Variants in ZNF564 observed in about 807,000 individuals in gnomAD.
ZNF564 encodes zinc finger protein 564.
In ZNF564, 5 loss-of-function variants were observed where a neutral mutation model predicts 10.5. That is an observed-to-expected ratio of 0.48 (90% CI 0.25 to 1.00). The LOEUF is 1.00. Among genes scored for constraint, ZNF564 ranks in the 50% least tolerant of loss-of-function variants. ZNF564 has a pLI of 0.16. For missense variants in ZNF564, 603 were observed against 669.7 expected (o/e 0.90, Z 1.10); for synonymous variants, 242 against 218.1 (o/e 1.11, Z -0.97).
chr19:12,532,531 T>C (rs953397059), intron 1 of ZNF564, among the ~76,000 whole-genome samples: 2 of 77,872 alleles, frequency 2.6e-5, no homozygotes, highest in Non-Finnish European at 4.1e-5. Flanking sequence ...CGAGACTCCG[T>C]CTCAAAAAAA....
At chr19:12,533,725 TC>T (rs567810840) in intron 1 of ZNF564, among the ~76,000 whole-genome samples, 67 of 9,186 alleles carry the variant, frequency 7.3e-3, no homozygotes, top group African/African-American at 0.029. Flanking sequence ...GGCTGCTGTC[TC>T]CAAAAAAAAA....
At position 12,526,379 on chromosome 19, in the gene ZNF564, C is replaced by T; in HGVS notation, c.*67G>A. On this transcript the variant is annotated 3_prime_UTR_variant, in exon 4 of 4. Transcript: ENST00000339282. Reference sequence around the variant, plus strand: ...GGTGAGCTCCCAAACAAGTCTGAAACCCAGAAAGCAAACTGAAGACTTTCC... The same window carrying T: ...GGTGAGCTCCCAAACAAGTCTGAAATCCAGAAAGCAAACTGAAGACTTTCC... 2.0e-6 allele frequency: 3 copies of T among 1,488,418 alleles called. No individual in the cohort carries two copies. The highest frequency in any genetic ancestry group is 2.7e-6 in the Non-Finnish European group (3 of 1,115,044). 92.2% of individuals were successfully genotyped at this position (1,488,418 alleles called of 1,614,324 possible). A position where few individuals can be genotyped will look rare whatever the true frequency, so the allele number is the denominator to read the frequency against.
intron 1 of ZNF564, among the ~76,000 whole-genome samples, chr19:12,534,193 A>G (rs1241929538): frequency 6.6e-6 from 1 of 152,198 alleles, no homozygotes. Flanking sequence ...CAACATCCTT[A>G]AAGTCCTAGA....
chr19:12,536,270 A>G (rs2021911212), intron 1 of ZNF564, among the ~76,000 whole-genome samples: 1 of 152,138 alleles, frequency 6.6e-6, no homozygotes, highest in South Asian at 2.1e-4. Flanking sequence ...TCAACCTCCA[A>G]GGCTAAAGTG....
chr19:12,536,258 C>T (rs1379339336), intron 1 of ZNF564, among the ~76,000 whole-genome samples: 2 of 152,042 alleles, frequency 1.3e-5, no homozygotes, highest in Non-Finnish European at 2.9e-5. Flanking sequence ...CTCACTGCAG[C>T]CTCAACCTCC....
intron 1 of ZNF564, among the ~76,000 whole-genome samples, chr19:12,538,377 G>T (rs1474467910): frequency 6.6e-6 from 1 of 151,762 alleles, no homozygotes; most frequent in South Asian, 2.1e-4. Context: ...TGTAATCCCA[G>T]CACTTTGGGA....
intron 1 of ZNF564, among the ~76,000 whole-genome samples, chr19:12,546,787 T>C (rs182891895): frequency 6.4e-4 from 98 of 152,256 alleles, no homozygotes; most frequent in Non-Finnish European, 1.1e-3. Flanking sequence ...TCATAAACAA[T>C]TGGCTGGACA....
intron 1 of ZNF564, among the ~76,000 whole-genome samples, chr19:12,539,870 A>C (rs183175566): frequency 2.0e-4 from 30 of 150,328 alleles, no homozygotes; most frequent in African/African-American, 7.4e-4. Context: ...AGTCCCAGCT[A>C]CTCGGGAGGC....
At chr19:12,536,601 A>T (rs1015454012) in intron 1 of ZNF564, among the ~76,000 whole-genome samples, 1 of 152,198 alleles carries the variant, frequency 6.6e-6, no homozygotes, top group African/African-American at 2.4e-5. Flanking sequence ...TTAGGAGCCC[A>T]GCACTGTATA....
chr19:12,546,938 A>T (rs1392354544), intron 1 of ZNF564, among the ~76,000 whole-genome samples: 1 of 152,032 alleles, frequency 6.6e-6, no homozygotes, highest in Admixed American at 6.6e-5. Context: ...TCCTTTATAA[A>T]CCATCCTAAA....
chr19:12,538,441 T>C lies in ZNF564; in HGVS notation c.4-9745A>G, dbSNP rs1354739766. On this transcript the variant is annotated intron_variant, in intron 1 of 3. Transcript: ENST00000339282. ...GAGTTAAACACTAGCCTGGACAAGATGATGGAACCCCATCTCTACTAAAAA... is the reference window on the plus strand; with the variant it reads ...GAGTTAAACACTAGCCTGGACAAGACGATGGAACCCCATCTCTACTAAAAA... Among the ~76,000 whole-genome samples, 3 of 151,920 alleles carry C rather than the reference T, an allele frequency of 2.0e-5. No individual in the cohort carries two copies. In the East Asian group the frequency reaches 5.8e-4, roughly 30 times the overall value.
rs1040102868 is a variant in ZNF564, at chr19:12,527,602, T to C, written c.506A>G (p.Tyr169Cys). ...GGCTTTCCCACATTCCGGACATGCA[T>C]AGGGTTTCTCACCAGTGTGAGTTCT... ...HERTHTGEKPYACPECGKAFI... is the reference protein window; with the variant it reads ...HERTHTGEKPCACPECGKAFI... The change falls in exon 4 of 4, where the codon TAT (tyrosine) becomes TGT (cysteine). Residue 169 changes from tyrosine (Y) to cysteine (C), a missense_variant. Transcript: ENST00000339282. The C allele has an allele frequency of 1.5e-5, 24 of 1,614,086 alleles. No individual in the cohort carries two copies. Among genetic ancestry groups the C allele is most frequent in the African/African-American group, 2.7e-5 (2 of 74,922 alleles).
At chr19:12,537,529 G>C (rs567559541) in intron 1 of ZNF564, among the ~76,000 whole-genome samples, 1 of 151,890 alleles carries the variant, frequency 6.6e-6, no homozygotes, top group East Asian at 1.9e-4. Flanking sequence ...ACCTGAGGTC[G>C]GGAGTTCGAG....
chr19:12,545,663 C>A (rs1260637405), intron 1 of ZNF564, among the ~76,000 whole-genome samples: 1 of 152,126 alleles, frequency 6.6e-6, no homozygotes, highest in Non-Finnish European at 1.5e-5. Flanking sequence ...ATTCAAAGAA[C>A]TTAGCAAAAC....
At chr19:12,528,242 T>A in intron 3 of ZNF564, 62 bp downstream of exon 3, 9 of 1,475,562 alleles carry the variant, frequency 6.1e-6, no homozygotes, top group Non-Finnish European at 8.4e-6. Flanking sequence ...TGTTTACTTA[T>A]TTTTAAAATT....
At chr19:12,546,628 G>A (rs1240549593) in intron 1 of ZNF564, among the ~76,000 whole-genome samples, 2 of 152,234 alleles carry the variant, frequency 1.3e-5, no homozygotes, top group East Asian at 1.9e-4. Context: ...CTACTCGGGA[G>A]GCTGAGGCAG....
intron 1 of ZNF564, among the ~76,000 whole-genome samples, chr19:12,540,420 C>T (rs1371696000): frequency 1.3e-5 from 2 of 152,152 alleles, no homozygotes; most frequent in African/African-American, 4.8e-5. Flanking sequence ...TTGAAGTCAA[C>T]ATTTAAAAGA....
At chr19:12,539,639 G>C (rs1278822272) in intron 1 of ZNF564, among the ~76,000 whole-genome samples, 1 of 149,488 alleles carries the variant, frequency 6.7e-6, no homozygotes, top group Non-Finnish European at 1.5e-5. Flanking sequence ...CTGCACTCCA[G>C]CCTGGGCGAC....
At chr19:12,544,389 A>G (rs1157609047) in intron 1 of ZNF564, among the ~76,000 whole-genome samples, 1 of 150,894 alleles carries the variant, frequency 6.6e-6, no homozygotes, top group Non-Finnish European at 1.5e-5. Flanking sequence ...AGAGCTGTCT[A>G]TTGCAGTGAA....
Sources: gnomAD v4.1 joint callset for allele counts (sites outside exome capture counted in the v4.1 genomes callset) on GRCh38, gnomAD v4.1.1 for gene constraint, MANE v1.5 for transcripts, NCBI Gene and HGNC (gene_info 2026-07-23, HGNC 2026-07-21) for gene names.